Variants in SLC30A8 observed in about 807,000 individuals in gnomAD.
SLC30A8 encodes proton-coupled zinc antiporter SLC30A8.
A neutral mutation model predicts 36.9 loss-of-function variants in SLC30A8; 27 were observed. The observed-to-expected ratio is 0.73, with a 90% CI of 0.54 to 1.01. SLC30A8 has a LOEUF of 1.01. Ranked by LOEUF, SLC30A8 falls within the 50% of genes least tolerant of loss-of-function variation. The pLI, the probability that SLC30A8 is intolerant of heterozygous loss-of-function variation, is 0.00. For synonymous variants in SLC30A8, 164 were observed against 172.4 expected, an observed-to-expected ratio of 0.95 and a Z score of 0.38; for missense variants, 439 against 452.0, an observed-to-expected ratio of 0.97 and a Z score of 0.26.
At chr8:117,155,577 CATT>C (rs1010705022) in intron 3 of SLC30A8, among the ~76,000 whole-genome samples, 1 of 152,112 alleles carries the variant, frequency 6.6e-6, no homozygotes, top group Non-Finnish European at 1.5e-5. Flanking sequence ...TTGGGGGGTA[CATT>C]ATTAATTTTC....
chr8:117,106,021 C>T (rs1053519794), intron 2 of SLC30A8, among the ~76,000 whole-genome samples: 4 of 151,966 alleles, frequency 2.6e-5, no homozygotes, highest in African/African-American at 9.7e-5. Context: ...TTTTCAGTTG[C>T]AGCTCTTCGT....
intron 2 of SLC30A8, among the ~76,000 whole-genome samples, chr8:117,089,452 C>G (rs552962183): frequency 7.5e-4 from 114 of 152,224 alleles, no homozygotes; most frequent in African/African-American, 2.6e-3. Context: ...GACTACTTGC[C>G]CAAATCTGAA....
chr8:117,017,590 C>G (rs141573131), intron 1 of SLC30A8, among the ~76,000 whole-genome samples: 4 of 151,892 alleles, frequency 2.6e-5, no homozygotes, highest in Admixed American at 2.6e-4. Context: ...GGGCCCTGCA[C>G]TTGTGGAATT....
intron 1 of SLC30A8, among the ~76,000 whole-genome samples, chr8:117,008,619 T>C (rs1157132237): frequency 6.6e-6 from 1 of 152,156 alleles, no homozygotes; most frequent in African/African-American, 2.4e-5. Context: ...CCATCTGAGG[T>C]TGCAATGAGT....
At position 116,976,880 on chromosome 8, in the gene SLC30A8, G is replaced by A. The variant is rs531464046; in HGVS notation, c.-266+25761G>A. ...TTGCCAGGCTGGAGTGCAGTGGCAC[G>A]AACTCAGCTCACTGCAACCTCCACC... On this transcript the variant is annotated intron_variant, in intron 1 of 10. Coordinates refer to the SLC30A8 transcript ENST00000427715. Among the ~76,000 whole-genome samples the A allele has an allele frequency of 4.2e-4, 60 of 141,212 alleles. No homozygotes were observed. In the South Asian group the frequency reaches 9.6e-3, roughly 23 times the overall value. The allele number at this position is 141,212 out of a possible 152,430, so 92.6% of individuals were successfully genotyped here.
chr8:117,098,742 G>A, intron 2 of SLC30A8, among the ~76,000 whole-genome samples: 1 of 152,256 alleles, frequency 6.6e-6, no homozygotes, highest in East Asian at 1.9e-4. Context: ...CTGTTCTTTG[G>A]TAATACTGTT....
At chr8:117,087,930 G>A (rs922086337) in intron 2 of SLC30A8, among the ~76,000 whole-genome samples, 3 of 152,120 alleles carry the variant, frequency 2.0e-5, no homozygotes, top group African/African-American at 7.2e-5. Context: ...GGGGAGACAG[G>A]GAGGAAAGAA....
intron 2 of SLC30A8, among the ~76,000 whole-genome samples, chr8:117,090,042 G>A (rs187961171): frequency 6.6e-6 from 1 of 151,822 alleles, no homozygotes; most frequent in Non-Finnish European, 1.5e-5. Context: ...GCATGATCTC[G>A]GCTCACTGCA....
intron 2 of SLC30A8, among the ~76,000 whole-genome samples, chr8:117,108,800 T>A (rs1304018797): frequency 6.6e-6 from 1 of 152,194 alleles, no homozygotes; most frequent in Non-Finnish European, 1.5e-5. Flanking sequence ...AGCAACAGGA[T>A]CTAAAATGTT....
At chr8:117,059,297 A>G (rs1049617631) in intron 2 of SLC30A8, among the ~76,000 whole-genome samples, 1 of 152,170 alleles carries the variant, frequency 6.6e-6, no homozygotes, top group Non-Finnish European at 1.5e-5. Context: ...TGGGGAATGC[A>G]TCGGTAACAG....
intron 1 of SLC30A8, among the ~76,000 whole-genome samples, chr8:117,007,454 C>A (rs1816220458): frequency 6.6e-6 from 1 of 152,158 alleles, no homozygotes; most frequent in African/African-American, 2.4e-5. Context: ...CCTTTAGTTA[C>A]TAACATTCTG....
At chr8:117,028,550 G>GTTTTT (rs57593485) in intron 1 of SLC30A8, among the ~76,000 whole-genome samples, 1 of 144,222 alleles carries the variant, frequency 6.9e-6, no homozygotes. Context: ...TCTCACCACA[G>GTTTTT]TTTTTTTTTT....
chr8:116,954,469 AAG>A (rs912107427), intron 1 of SLC30A8, among the ~76,000 whole-genome samples: 1 of 144,014 alleles, frequency 6.9e-6, no homozygotes, highest in African/African-American at 2.9e-5. Flanking sequence ...AAAGCTATTA[AAG>A]AGAGAGAGAG....
intron 1 of SLC30A8, among the ~76,000 whole-genome samples, chr8:117,006,201 A>G (rs1056122032): frequency 6.6e-6 from 1 of 152,232 alleles, no homozygotes; most frequent in East Asian, 1.9e-4. Context: ...CAAGTAACAT[A>G]AAACCTGAGC....
At chr8:117,047,708 A>G (rs570956007) in intron 2 of SLC30A8, among the ~76,000 whole-genome samples, 104 of 152,274 alleles carry the variant, frequency 6.8e-4, no homozygotes, top group African/African-American at 2.4e-3. Context: ...TCTTAAGTAG[A>G]AGCTCGTTAA....
At chr8:117,125,018 G>A (rs1814631954) in intron 2 of SLC30A8, among the ~76,000 whole-genome samples, 2 of 152,026 alleles carry the variant, frequency 1.3e-5, no homozygotes, top group South Asian at 4.2e-4. Context: ...AAAATATTGA[G>A]ATACCAAAAT....
intron 2 of SLC30A8, among the ~76,000 whole-genome samples, chr8:117,084,466 G>A (rs1818793012): frequency 6.6e-6 from 1 of 152,090 alleles, no homozygotes; most frequent in African/African-American, 2.4e-5. Flanking sequence ...TTATTAGAGT[G>A]TTCCAGAAAG....
At chr8:117,035,446 G>C (rs931527447) in intron 1 of SLC30A8, among the ~76,000 whole-genome samples, 1 of 152,156 alleles carries the variant, frequency 6.6e-6, no homozygotes, top group Non-Finnish European at 1.5e-5. Flanking sequence ...TCACATCCAG[G>C]GCATGCTGAT....
intron 1 of SLC30A8, among the ~76,000 whole-genome samples, chr8:117,136,934 A>C (rs1432532487): frequency 2.6e-5 from 4 of 152,022 alleles, no homozygotes; most frequent in Non-Finnish European, 5.9e-5. Flanking sequence ...AATAAATTAA[A>C]TCTGGAAGAG....
Sources: allele counts gnomAD v4.1 joint callset (sites outside exome capture counted in the v4.1 genomes callset), GRCh38; gene constraint gnomAD v4.1.1; transcripts MANE v1.5; gene names NCBI Gene and HGNC (gene_info 2026-07-23, HGNC 2026-07-21).